Variants in ANKS1B observed in about 807,000 individuals in gnomAD.
ANKS1B encodes ankyrin repeat and sterile alpha motif domain-containing protein 1B.
Under a neutral mutation model 148.3 loss-of-function variants are expected in ANKS1B, and 36 were observed. The ratio of observed to expected loss-of-function variants is 0.24; its 90% confidence interval spans 0.19 to 0.32. The LOEUF (loss-of-function observed/expected upper bound fraction) is 0.32, where lower values mean the gene tolerates loss of function less well. Ranked by LOEUF, ANKS1B falls within the 10% of genes least tolerant of loss-of-function variation. ANKS1B has a pLI of 1.00. For synonymous variants in ANKS1B, 542 were observed against 560.8 expected, an observed-to-expected ratio of 0.97 and a Z score of 0.47; for missense variants, 1,157 against 1,542.6, an observed-to-expected ratio of 0.75 and a Z score of 4.19.
chr12:99,462,403 T>C (rs1159096199), intron 10 of ANKS1B, among the ~76,000 whole-genome samples: 2 of 152,226 alleles, frequency 1.3e-5, no homozygotes, highest in Non-Finnish European at 2.9e-5. Context: ...AGCCTTTGGA[T>C]GGCTATATTG....
At chr12:99,059,545 T>C (rs770526054) in intron 16 of ANKS1B, among the ~76,000 whole-genome samples, 20 of 152,034 alleles carry the variant, frequency 1.3e-4, no homozygotes, top group Non-Finnish European at 1.9e-4. Flanking sequence ...CAGAATGCAA[T>C]GGACTTTGTT....
At chr12:98,769,442 G>A (rs532568025) in intron 25 of ANKS1B, among the ~76,000 whole-genome samples, 43 of 152,178 alleles carry the variant, frequency 2.8e-4, no homozygotes, top group Non-Finnish European at 5.6e-4. Context: ...GAGGATCTGT[G>A]TAAGATGAAA....
chr12:99,594,496 T>G (rs2097736997), intron 9 of ANKS1B, among the ~76,000 whole-genome samples: 1 of 151,980 alleles, frequency 6.6e-6, no homozygotes, highest in Non-Finnish European at 1.5e-5. Flanking sequence ...TCAGAAAAGG[T>G]GATACACAGA....
chr12:99,021,123 G>A (rs2099945574), intron 17 of ANKS1B, among the ~76,000 whole-genome samples: 1 of 151,988 alleles, frequency 6.6e-6, no homozygotes, highest in African/African-American at 2.4e-5. Flanking sequence ...GTAAGAAACG[G>A]TAAGAAATTT....
In ANKS1B at chr12:99,437,951, A is replaced by G. The variant is rs73373991; in HGVS notation, c.1575+5722T>C. ...CTTCTACATTCTTCACCTGAAGGAAATTGCATTCTTGAAGGTCTCTGCCCT... is the reference window on the plus strand; with the variant it reads ...CTTCTACATTCTTCACCTGAAGGAAGTTGCATTCTTGAAGGTCTCTGCCCT... On this transcript the variant is annotated intron_variant, in intron 11 of 26. Transcript: ENST00000683438. Among the ~76,000 whole-genome samples the G allele has an allele frequency of 3.8e-3, 575 of 152,072 alleles. 4 individuals are homozygous for G. Among genetic ancestry groups the G allele is most frequent in the African/African-American group, 0.013 (546 of 41,524 alleles).
intron 17 of ANKS1B, among the ~76,000 whole-genome samples, chr12:98,862,539 T>C (rs1387955643): frequency 1.3e-5 from 2 of 152,210 alleles, no homozygotes; most frequent in Non-Finnish European, 2.9e-5. Context: ...GGGTCTCAGC[T>C]TCCCAACACA....
intron 1 of ANKS1B, among the ~76,000 whole-genome samples, chr12:99,941,959 G>A (rs992190272): frequency 1.3e-5 from 2 of 152,140 alleles, no homozygotes; most frequent in African/African-American, 2.4e-5. Context: ...TGTGGAATAC[G>A]CAAGTGAAAA....
chr12:98,996,861 G>A lies in ANKS1B; in HGVS notation c.2778+56296C>T, dbSNP rs116591705. On this transcript the variant is annotated intron_variant, in intron 17 of 26. Transcript: ENST00000683438. ...AAAAAAGAATTACCATGTGAATGAT[G>A]AACACTTCCCAGTGTTTGTTGATAA... 3.4e-3 allele frequency among the ~76,000 whole-genome samples: 457 copies of A among 134,724 alleles called. 2 individuals are homozygous for A. The highest frequency in any genetic ancestry group is 0.012 in the African/African-American group (433 of 36,736). 88.4% of individuals were successfully genotyped at this position (134,724 alleles called of 152,430 possible). A position where few individuals can be genotyped will look rare whatever the true frequency, so the allele number is the denominator to read the frequency against.
chr12:99,523,249 C>G (rs1463582090), intron 9 of ANKS1B, among the ~76,000 whole-genome samples: 1 of 152,186 alleles, frequency 6.6e-6, no homozygotes, highest in South Asian at 2.1e-4. Flanking sequence ...TTTCTGTGAA[C>G]ATAAGTGAGG....
intron 16 of ANKS1B, among the ~76,000 whole-genome samples, chr12:99,065,183 A>G (rs534389627): frequency 1.3e-5 from 2 of 152,238 alleles, no homozygotes; most frequent in South Asian, 2.1e-4. Context: ...TCATGCAGCT[A>G]TTTGGTGGTT....
At chr12:99,313,479 G>A (rs2083489707) in intron 12 of ANKS1B, among the ~76,000 whole-genome samples, 2 of 152,060 alleles carry the variant, frequency 1.3e-5, no homozygotes, top group African/African-American at 4.8e-5. Context: ...AAAAACTTCA[G>A]GCCAACATCC....
Position 99,342,725 on chromosome 12 carries a change from C to T in ANKS1B, c.1756+56906G>A, listed in dbSNP as rs142731307. Among the ~76,000 whole-genome samples, 13 of 152,080 alleles carry T rather than the reference C, an allele frequency of 8.5e-5. No homozygotes were observed. The East Asian group carries it at 2.5e-3, about 29-fold the overall frequency. On this transcript the variant is annotated intron_variant, in intron 12 of 26. Transcript: ENST00000683438. ...ACTTTTGTGGATGCTATGGATTCTGCAAGGAGAAAATTAGAATGGACCCAT... is the reference window on the plus strand; with the variant it reads ...ACTTTTGTGGATGCTATGGATTCTGTAAGGAGAAAATTAGAATGGACCCAT...
At chr12:99,265,815 G>A (rs368884819) in intron 12 of ANKS1B, among the ~76,000 whole-genome samples, 4 of 152,020 alleles carry the variant, frequency 2.6e-5, no homozygotes, top group Non-Finnish European at 4.4e-5. Context: ...TCTTTACTTC[G>A]TGCTTTAACC....
chr12:98,893,091 TG>T (rs1457582410), intron 17 of ANKS1B, among the ~76,000 whole-genome samples: 3 of 152,172 alleles, frequency 2.0e-5, no homozygotes, highest in Non-Finnish European at 2.9e-5. Context: ...TTTGTAACAA[TG>T]TTTTTGTATG....
intron 10 of ANKS1B, among the ~76,000 whole-genome samples, chr12:99,462,923 G>A (rs899286897): frequency 3.3e-5 from 5 of 152,096 alleles, no homozygotes; most frequent in African/African-American, 1.2e-4. Context: ...CTTCCACCAT[G>A]AGTAAAGGTT....
intron 9 of ANKS1B, among the ~76,000 whole-genome samples, chr12:99,562,765 A>T (rs2097350478): frequency 1.3e-5 from 2 of 152,214 alleles, no homozygotes; most frequent in Admixed American, 1.3e-4. Context: ...TGCTCTCATG[A>T]TTCAATTACT....
chr12:98,737,000 T>C (rs569448340), intron 9 of ANKS1B, among the ~76,000 whole-genome samples: 10 of 152,218 alleles, frequency 6.6e-5, no homozygotes, highest in Non-Finnish European at 1.3e-4. Context: ...AGTTGTCTTA[T>C]CTGAAAAATG....
At chr12:99,627,363 G>A (rs1221385793) in intron 9 of ANKS1B, among the ~76,000 whole-genome samples, 1 of 152,146 alleles carries the variant, frequency 6.6e-6, no homozygotes, top group Non-Finnish European at 1.5e-5. Context: ...AAAGGCTAAT[G>A]TTTATTATGT....
intron 11 of ANKS1B, among the ~76,000 whole-genome samples, chr12:99,412,021 A>AT (rs2152676522): frequency 6.6e-6 from 1 of 152,242 alleles, no homozygotes; most frequent in East Asian, 1.9e-4. Flanking sequence ...AATTTTAGGC[A>AT]TTTTGTTTTA....
Sources: gnomAD v4.1 joint callset for allele counts (sites outside exome capture counted in the v4.1 genomes callset) on GRCh38, gnomAD v4.1.1 for gene constraint, MANE v1.5 for transcripts, NCBI Gene and HGNC (gene_info 2026-07-23, HGNC 2026-07-21) for gene names.